Variants in RYR2 observed in about 807,000 individuals in gnomAD.
RYR2 encodes the protein ryanodine receptor 2.
A neutral mutation model predicts 601.1 loss-of-function variants in RYR2; 227 were observed. That is an observed-to-expected ratio of 0.38 (90% confidence interval 0.34 to 0.42). The LOEUF is 0.42. RYR2 is among the 10% of genes least tolerant of loss of function. The pLI, the probability that RYR2 is intolerant of heterozygous loss-of-function variation, is 1.00. For synonymous variants in RYR2, 2,223 were observed against 2,175.1 expected (o/e 1.02, Z -0.61); for missense variants, 4,646 against 6,156.5 (o/e 0.75, Z 8.21).
At chr1:237,604,666 G>A (rs528527365) in intron 35 of RYR2, among the ~76,000 whole-genome samples, 5 of 152,162 alleles carry the variant, frequency 3.3e-5, no homozygotes, top group East Asian at 3.9e-4. Flanking sequence ...AAAATTGGTA[G>A]ACCACTACCA....
At chr1:237,489,994 C>A (rs977960367) in intron 17 of RYR2, among the ~76,000 whole-genome samples, 16 of 152,148 alleles carry the variant, frequency 1.1e-4, no homozygotes, top group Admixed American at 4.6e-4. Flanking sequence ...TAGAATACCA[C>A]GCAGCCATAA....
At chr1:237,394,134 C>T (rs1254398468) in intron 10 of RYR2, among the ~76,000 whole-genome samples, 2 of 152,048 alleles carry the variant, frequency 1.3e-5, no homozygotes, top group Non-Finnish European at 2.9e-5. Flanking sequence ...TATATGTAAG[C>T]AATATCTTTC....
At chr1:237,081,512 C>G (rs1045450717) in intron 1 of RYR2, among the ~76,000 whole-genome samples, 8 of 148,598 alleles carry the variant, frequency 5.4e-5, no homozygotes, top group Non-Finnish European at 1.0e-4. Flanking sequence ...ACACCCCCCA[C>G]ATATATATAT....
In RYR2 at chr1:237,759,276, C is replaced by T. The variant is rs578026781; in HGVS notation, c.11326-500C>T. 6.6e-5 allele frequency among the ~76,000 whole-genome samples: 10 copies of T among 152,078 alleles called. No individual in the cohort carries two copies. In the East Asian group the frequency reaches 9.7e-4, roughly 15 times the overall value. ...TGATTTTTGTATTTTTTAGTAGAGA[C>T]GGGGTTTCACTATGTTGGTCAGGCT... On this transcript the variant is annotated intron_variant, in intron 82 of 104. Coordinates refer to ENST00000366574, the MANE Select transcript of RYR2 (RefSeq NM_001035.3).
intron 62 of RYR2, among the ~76,000 whole-genome samples, chr1:237,685,720 G>A (rs548045219): frequency 3.9e-5 from 6 of 152,310 alleles, no homozygotes; most frequent in South Asian, 4.1e-4. Flanking sequence ...ATAAGGGCAC[G>A]TGGACAAAGT....
chr1:237,443,414 A>C (rs1192177218), intron 13 of RYR2, among the ~76,000 whole-genome samples: 1 of 152,260 alleles, frequency 6.6e-6, no homozygotes, highest in South Asian at 2.1e-4. Flanking sequence ...TTAGCTTTTT[A>C]AAAATAGCAA....
chr1:237,158,228 G>A (rs907182666), intron 1 of RYR2, among the ~76,000 whole-genome samples: 2 of 152,180 alleles, frequency 1.3e-5, no homozygotes, highest in Non-Finnish European at 2.9e-5. Flanking sequence ...AGTTATAGAT[G>A]GAGTGAGTTG....
intron 12 of RYR2, among the ~76,000 whole-genome samples, chr1:237,431,964 T>C (rs1327891655): frequency 2.0e-5 from 3 of 152,192 alleles, no homozygotes; most frequent in African/African-American, 7.2e-5. Flanking sequence ...AAATCAGTTA[T>C]ATCTTATTTT....
At chr1:237,628,604 G>A (rs1409572161) in intron 41 of RYR2, among the ~76,000 whole-genome samples, 1 of 152,002 alleles carries the variant, frequency 6.6e-6, no homozygotes, top group Non-Finnish European at 1.5e-5. Context: ...CCACATTTTA[G>A]AGATAGAAAC....
At chr1:237,253,127 G>A (rs182197331) in intron 1 of RYR2, among the ~76,000 whole-genome samples, 45 of 142,824 alleles carry the variant, frequency 3.2e-4, no homozygotes, top group Admixed American at 1.4e-3. Context: ...TCGTGCCACT[G>A]CACTGCAGCC....
At chr1:237,631,819 G>A (rs936240897) in intron 42 of RYR2, among the ~76,000 whole-genome samples, 7 of 151,188 alleles carry the variant, frequency 4.6e-5, no homozygotes, top group Middle Eastern at 3.4e-3. Flanking sequence ...TAGTAGAGAC[G>A]GGGTTTCACT....
intron 29 of RYR2, among the ~76,000 whole-genome samples, chr1:237,575,245 C>T (rs10925459): frequency 0.55 from 82,949 of 151,996 alleles, 23,050 homozygotes; most frequent in East Asian, 0.76. Flanking sequence ...TTAGTTGACA[C>T]TTCAGCTTTT....
intron 1 of RYR2, among the ~76,000 whole-genome samples, chr1:237,223,722 A>C (rs952624455): frequency 6.6e-6 from 1 of 152,204 alleles, no homozygotes; most frequent in African/African-American, 2.4e-5. Context: ...TGGCCACACC[A>C]CAGGTTTGTC....
chr1:237,104,178 A>G (rs1385066603), intron 1 of RYR2, among the ~76,000 whole-genome samples: 1 of 151,946 alleles, frequency 6.6e-6, no homozygotes, highest in East Asian at 1.9e-4. Context: ...GCAGTAATTC[A>G]TCATCCATGG....
chr1:237,422,816 A>G (rs1474866084), intron 11 of RYR2, among the ~76,000 whole-genome samples: 1 of 152,196 alleles, frequency 6.6e-6, no homozygotes, highest in Admixed American at 6.5e-5. Context: ...TTTGCATAGA[A>G]TAGGGCGCTG....
At chr1:237,756,412 C>G (rs777939656) in intron 81 of RYR2, 25 bp downstream of exon 81, 15 of 1,463,462 alleles carry the variant, frequency 1.0e-5, no homozygotes, top group Non-Finnish European at 1.2e-5. Context: ...GTTCCCCTCA[C>G]GAGTGTCTGT....
chr1:237,293,291 C>T (rs1429648119), intron 2 of RYR2, among the ~76,000 whole-genome samples: 2 of 152,186 alleles, frequency 1.3e-5, no homozygotes, highest in African/African-American at 4.8e-5. Flanking sequence ...ACTTCAACCT[C>T]TGCCTCCCAA....
chr1:237,511,730 T>A lies in RYR2; in HGVS notation c.2761T>A (p.Phe921Ile), dbSNP rs372752031. 1.3e-6 allele frequency: 2 copies of A among 1,573,882 alleles called. No homozygotes were observed. The highest frequency in any genetic ancestry group is 1.7e-6 in the Non-Finnish European group (2 of 1,157,430). Residue 921 changes from phenylalanine to isoleucine, a missense_variant, in exon 24 of 105, where the codon TTC becomes ATC. Transcript: ENST00000366574. Reference sequence around the variant, plus strand: ...GAGACAACACCCATGCCTGGTGGAGTTCTCCAAGCTGCCTGAACAGGAGCG... The same window carrying A: ...GAGACAACACCCATGCCTGGTGGAGATCTCCAAGCTGCCTGAACAGGAGCG... ...NKRQHPCLVEFSKLPEQERNY... is the reference protein window; with the variant it reads ...NKRQHPCLVEISKLPEQERNY...
Position 237,628,003 on chromosome 1 carries a change from A to C in RYR2, c.6363A>C (p.Ala2121=). Reference sequence around the variant, plus strand: ...TGGAGGACACCATCAACCTGCTGGCATCCCTTGGTCAGATTCGGTCCCTGC... The same window carrying C: ...TGGAGGACACCATCAACCTGCTGGCCTCCCTTGGTCAGATTCGGTCCCTGC... The part of the protein sequence containing the change: ...VSVEDTINLL[A]SLGQIRSLLS... The change falls in exon 41 of 105, where the codon GCA becomes GCC. Residue 2121 remains alanine (A), a synonymous_variant. Transcript: ENST00000366574. 6.2e-7 allele frequency: 1 copy of C among 1,613,942 alleles called. No individual in the cohort carries two copies. Among genetic ancestry groups the C allele is most frequent in the Non-Finnish European group, 8.5e-7 (1 of 1,179,892 alleles).
Sources: allele counts gnomAD v4.1 joint callset (sites outside exome capture counted in the v4.1 genomes callset), GRCh38; gene constraint gnomAD v4.1.1; transcripts MANE v1.5; gene names NCBI Gene and HGNC (gene_info 2026-07-23, HGNC 2026-07-21).